Variants in GEMIN5 observed in about 807,000 individuals in gnomAD.
The protein encoded by GEMIN5 is gem-associated protein 5.
In GEMIN5, 124 loss-of-function variants were observed where a neutral mutation model predicts 176.9. The ratio of observed to expected loss-of-function variants is 0.70; its 90% CI spans 0.61 to 0.81. The LOEUF (loss-of-function observed/expected upper bound fraction) is 0.81. Among genes scored for constraint, GEMIN5 ranks in the 40% least tolerant of loss-of-function variants. GEMIN5 has a pLI of 0.00. For missense variants in GEMIN5, 1,843 were observed against 1,814.6 expected (o/e 1.02, Z -0.28); for synonymous variants, 673 against 665.2 (o/e 1.01, Z -0.18).
chr5:154,919,716 GTTC>G (rs1350030060), intron 11 of GEMIN5, among the ~76,000 whole-genome samples: 1 of 152,060 alleles, frequency 6.6e-6, no homozygotes, highest in Non-Finnish European at 1.5e-5. Context: ...TTTTTCAGTA[GTTC>G]TTTTTTGGCT....
chr5:154,893,418 C>CA (rs1296304143), intron 24 of GEMIN5, among the ~76,000 whole-genome samples: 1,755 of 126,696 alleles, frequency 0.014, 23 homozygotes, highest in African/African-American at 0.034. Context: ...GACGCTGTCT[C>CA]AAAAAAAAAA....
chr5:154,900,472 T>C (rs1465168088), intron 21 of GEMIN5, among the ~76,000 whole-genome samples: 1 of 152,190 alleles, frequency 6.6e-6, no homozygotes, highest in Non-Finnish European at 1.5e-5. Context: ...TGTTTTTAGA[T>C]ACCAGGTAAC....
chr5:154,925,809 G>T (rs1764016522), intron 8 of GEMIN5, 53 bp downstream of exon 8: 1 of 1,000,328 alleles, frequency 1.0e-6, no homozygotes, highest in South Asian at 1.4e-5. Context: ...GCATAAAAGA[G>T]AATTATTTGG....
chr5:154,908,693 A>G (rs1165620950), intron 15 of GEMIN5, among the ~76,000 whole-genome samples: 1 of 152,202 alleles, frequency 6.6e-6, no homozygotes, highest in Non-Finnish European at 1.5e-5. Flanking sequence ...GACTAGATTT[A>G]GGGTATGCAT....
At position 154,887,842 on chromosome 5, in the gene GEMIN5, G is replaced by A. The variant is rs1338945596; in HGVS notation, c.*368C>T. The A allele has an allele frequency of 9.2e-6, 2 of 217,496 alleles. No homozygotes were observed. The highest frequency in any genetic ancestry group is 1.4e-4 in the South Asian group (2 of 14,292). 13.5% of individuals were successfully genotyped at this position (217,496 alleles called of 1,614,324 possible). On this transcript the variant is annotated 3_prime_UTR_variant, in exon 28 of 28. Transcript: ENST00000285873. ...CATGACACACTTCTGATCAGATGAA[G>A]TATTTACAAAGGTAGCTTGTGTTTT...
At chr5:154,919,844 T>C in intron 11 of GEMIN5, 123 bp downstream of exon 11, 3 of 800,652 alleles carry the variant, frequency 3.7e-6, no homozygotes, top group Non-Finnish European at 5.9e-6. Flanking sequence ...TATAAGAACA[T>C]TTAAGAAATC....
chr5:154,900,383 C>T (rs774566892), intron 21 of GEMIN5, among the ~76,000 whole-genome samples: 13 of 152,264 alleles, frequency 8.5e-5, no homozygotes, highest in Non-Finnish European at 1.9e-4. Flanking sequence ...CTTCTACTTC[C>T]AGCCATGATG....
chr5:154,907,652 T>A lies in GEMIN5; in HGVS notation c.2334A>T (p.Ser778=), dbSNP rs1427455526. Residue 778 remains serine, a synonymous_variant, in exon 16 of 28, where the codon TCA becomes TCT. Coordinates refer to ENST00000285873, the MANE Select transcript of GEMIN5 (RefSeq NM_015465.5). The part of the protein sequence containing the change: ...ENSGPVENGV[S]DQEGEEQARE... ...GTGCTTGCTCCTCCCCTTCTTGGTC[T>A]GACACACCATTCTCAACAGGTCCTG... The A allele has an allele frequency of 5.0e-6, 8 of 1,614,054 alleles. No individual in the cohort carries two copies. Among genetic ancestry groups the A allele is most frequent in the Middle Eastern group, 3.3e-4 (2 of 6,084 alleles).
At chr5:154,918,584 A>C (rs975126110) in intron 11 of GEMIN5, among the ~76,000 whole-genome samples, 2 of 152,244 alleles carry the variant, frequency 1.3e-5, no homozygotes, top group Non-Finnish European at 2.9e-5. Flanking sequence ...AGTGCCAATA[A>C]ATTAGAAGAG....
intron 19 of GEMIN5, 100 bp downstream of exon 19, chr5:154,902,980 C>A: frequency 1.2e-6 from 1 of 811,690 alleles, no homozygotes; most frequent in Non-Finnish European, 2.0e-6. Context: ...GTAAAACTAA[C>A]CATTATAATA....
chr5:154,891,146 C>T, intron 26 of GEMIN5, 95 bp downstream of exon 26: 1 of 1,042,126 alleles, frequency 9.6e-7, no homozygotes, highest in South Asian at 1.6e-5. Context: ...CCTCCTGCTT[C>T]AGCCTCCCAA....
In GEMIN5 at chr5:154,938,049, C is replaced by G; in HGVS notation, c.85G>C (p.Gly29Arg). 1 of 1,543,100 alleles carries G rather than the reference C, an allele frequency of 6.5e-7. No individual in the cohort carries two copies. The highest frequency in any genetic ancestry group is 8.7e-7 in the Non-Finnish European group (1 of 1,148,756). Residue 29 changes from glycine (G) to arginine (R), a missense_variant, in exon 1 of 28, where the codon GGC (glycine) becomes CGC (arginine). Gly to Arg is a moderately radical substitution (Grantham distance 125, BLOSUM62 -2). Coordinates refer to ENST00000285873, the MANE Select transcript of GEMIN5 (RefSeq NM_015465.5). ...CSDAVPGGLF[G>R]FAARTSVFLV... ...AAGACGGAGGTCCGCGCGGCGAAGC[C>G]AAAGAGGCCCCCGGGCACGGCATCG... is the stretch of plus-strand genomic sequence containing the variant.
chr5:154,919,031 G>C (rs1226600566), intron 11 of GEMIN5, among the ~76,000 whole-genome samples: 2 of 151,560 alleles, frequency 1.3e-5, no homozygotes, highest in Non-Finnish European at 2.9e-5. Flanking sequence ...ACAGAACAAG[G>C]CTCTGTCTCA....
chr5:154,905,654 C>A (rs555796814), intron 16 of GEMIN5, among the ~76,000 whole-genome samples, 178 bp from the exon 17 acceptor site: 16 of 152,162 alleles, frequency 1.1e-4, no homozygotes, highest in Admixed American at 9.8e-4. Context: ...CCCTTTCCCA[C>A]CTCCCAAACT....
intron 13 of GEMIN5, among the ~76,000 whole-genome samples, chr5:154,914,023 A>G (rs1274041880): frequency 6.6e-6 from 1 of 151,772 alleles, no homozygotes; most frequent in Non-Finnish European, 1.5e-5. Context: ...AAATACACAC[A>G]TAATTTTTTT....
chr5:154,905,524 T>C (rs373245008), intron 16 of GEMIN5, 48 bp from the exon 17 acceptor site: 21 of 868,430 alleles, frequency 2.4e-5, no homozygotes, highest in African/African-American at 1.2e-4. Context: ...ATAACAATAA[T>C]ACAGAATTTC....
At position 154,904,743 on chromosome 5, in the gene GEMIN5, G is replaced by GCTC. The variant is rs1348324162; in HGVS notation, c.2510-117_2510-115dup. 7.9e-5 allele frequency: 57 copies of GCTC among 720,222 alleles called. No homozygotes were observed. The Middle Eastern group carries it at 1.8e-3, about 22-fold the overall frequency. 44.6% of individuals were successfully genotyped at this position (720,222 alleles called of 1,614,324 possible). A position where few individuals can be genotyped will look rare whatever the true frequency, so the allele number is the denominator to read the frequency against. On this transcript the variant is annotated intron_variant, in intron 17 of 27. Coordinates refer to ENST00000285873, the MANE Select transcript of GEMIN5 (RefSeq NM_015465.5). ...CAGGACGACACCACAGGCAGAGAAA[G>GCTC]CTCCTCCTCCTAATAAAGAGGCTTT...
At chr5:154,900,586 A>G (rs925350252) in intron 21 of GEMIN5, among the ~76,000 whole-genome samples, 1 of 152,174 alleles carries the variant, frequency 6.6e-6, no homozygotes, top group African/African-American at 2.4e-5. Flanking sequence ...GGAAAACCTG[A>G]GCAAAACCTC....
chr5:154,931,631 T>A, intron 4 of GEMIN5, 54 bp from the exon 5 acceptor site: 1 of 1,462,618 alleles, frequency 6.8e-7, no homozygotes, highest in Non-Finnish European at 9.4e-7. Flanking sequence ...CGCACTAATA[T>A]AAAAAAATTA....
Sources: allele counts gnomAD v4.1 joint callset (sites outside exome capture counted in the v4.1 genomes callset), GRCh38; gene constraint gnomAD v4.1.1; transcripts MANE v1.5; gene names NCBI Gene and HGNC (gene_info 2026-07-23, HGNC 2026-07-21).